Variants in NCKAP5L observed in about 807,000 individuals in gnomAD.
The protein encoded by NCKAP5L is NCK associated protein 5 like.
NCKAP5L carries 54 observed loss-of-function variants against 103.2 expected under a neutral mutation model. The observed-to-expected ratio is 0.52, with a 90% CI of 0.42 to 0.66. The LOEUF is 0.66. Ranked by LOEUF, NCKAP5L falls within the 30% of genes least tolerant of loss-of-function variation. NCKAP5L has a pLI of 0.00. For missense variants in NCKAP5L, 1,733 were observed against 1,750.6 expected, an observed-to-expected ratio of 0.99 and a Z score of 0.18; for synonymous variants, 762 against 748.6, an observed-to-expected ratio of 1.02 and a Z score of -0.29.
rs537121333 is a variant in NCKAP5L at position 49,801,852 on chromosome 12, G to C, written c.347C>G (p.Pro116Arg). ...QKLQLTTGSL[P>R]QIPLTPLQPP... is the part of the protein sequence containing the mutation. ...GAAAGGAGCGCAGATGCCTACCTGA[G>C]GGAGCGAGCCTGTCGTGAGCTGGAG... The change falls in exon 6 of 13, where the codon CCT (proline) becomes CGT (arginine). Residue 116 changes from proline (P) to arginine (R), a missense_variant. By Grantham distance (103) the Pro-to-Arg change is moderately radical. Coordinates refer to ENST00000335999, the MANE Select transcript of NCKAP5L (RefSeq NM_001037806.4). The C allele has an allele frequency of 2.7e-5, 43 of 1,613,978 alleles. No individual in the cohort carries two copies. In the Admixed American group the frequency reaches 7.0e-4, roughly 26 times the overall value.
intron 1 of NCKAP5L, among the ~76,000 whole-genome samples, chr12:49,812,436 T>C (rs946059452): frequency 6.6e-6 from 1 of 151,668 alleles, no homozygotes; most frequent in Non-Finnish European, 1.5e-5. Context: ...CAGGCTGGAG[T>C]GCAGTGGCGT....
intron 1 of NCKAP5L, among the ~76,000 whole-genome samples, chr12:49,815,414 T>A (rs916795765): frequency 3.9e-5 from 6 of 152,274 alleles, no homozygotes; most frequent in African/African-American, 1.4e-4. Flanking sequence ...TTTATTTTAA[T>A]CTTTGGGTTA....
In NCKAP5L at chr12:49,802,989, T is replaced by C; in HGVS notation, c.200A>G (p.Asn67Ser). Residue 67 changes from asparagine to serine, a missense_variant, in exon 5 of 13, where the codon AAC becomes AGC. Asn to Ser is a conservative substitution (Grantham distance 46). Coordinates refer to ENST00000335999, the MANE Select transcript of NCKAP5L (RefSeq NM_001037806.4). ...TYERCLDEVA[N>S]HVVQALLNQK... ...GTTCAGCAACGCCTGTACCACATGG[T>C]TGGCAACCTGGGGACAGAAAGCCCC... The C allele has an allele frequency of 1.2e-6, 2 of 1,614,230 alleles. No homozygotes were observed. Among genetic ancestry groups the C allele is most frequent in the African/African-American group, 1.3e-5 (1 of 75,068 alleles).
chr12:49,799,596 C>T (rs1234266209), intron 6 of NCKAP5L, among the ~76,000 whole-genome samples: 1 of 152,154 alleles, frequency 6.6e-6, no homozygotes, highest in Non-Finnish European at 1.5e-5. Context: ...GGATTATAGG[C>T]GTGAGCTACC....
chr12:49,799,487 A>T (rs180699101), intron 6 of NCKAP5L, among the ~76,000 whole-genome samples: 2,329 of 149,640 alleles, frequency 0.016, 24 homozygotes, highest in Non-Finnish European at 0.024. Context: ...TTAAAAAAAA[A>T]TTTTTTTTTT....
intron 1 of NCKAP5L, among the ~76,000 whole-genome samples, chr12:49,826,969 C>T (rs987640770): frequency 2.0e-5 from 3 of 152,246 alleles, no homozygotes; most frequent in Admixed American, 1.3e-4. Context: ...AATATCTCCC[C>T]GGAAAGGAAT....
intron 1 of NCKAP5L, among the ~76,000 whole-genome samples, chr12:49,820,390 C>T (rs1946348235): frequency 1.3e-5 from 2 of 149,326 alleles, no homozygotes; most frequent in South Asian, 4.3e-4. Context: ...GATCTCGGCT[C>T]ACTGCAACCT....
intron 1 of NCKAP5L, among the ~76,000 whole-genome samples, chr12:49,811,410 C>T (rs545591974): frequency 4.1e-4 from 62 of 152,236 alleles, no homozygotes; most frequent in Admixed American, 9.8e-4. Flanking sequence ...AGAGGGGAAC[C>T]CCCTCACACC....
chr12:49,812,028 CTTT>C (rs1233429373), intron 1 of NCKAP5L, among the ~76,000 whole-genome samples: 7 of 152,042 alleles, frequency 4.6e-5, no homozygotes, highest in African/African-American at 1.4e-4. Flanking sequence ...TCCTCCTGGA[CTTT>C]TTTTTAAGCT....
At position 49,796,243 on chromosome 12, in the gene NCKAP5L, C is replaced by T. The variant is rs1025132809; in HGVS notation, c.1617G>A (p.Gln539=). 6.4e-7 allele frequency: 1 copy of T among 1,573,468 alleles called. No individual in the cohort carries two copies. Among genetic ancestry groups the T allele is most frequent in the Non-Finnish European group, 8.6e-7 (1 of 1,160,366 alleles). ...TPDSTQLRPP[Q]SALSTTLSPG... is the part of the protein sequence containing the mutation. The stretch of plus-strand genomic sequence containing the variant: ...GGGACAGCGTGGTGGACAAGGCTGA[C>T]TGCGGGGGTCTGAGCTGTGTGGAGT... The change falls in exon 8 of 13, where the codon CAG becomes CAA. Residue 539 remains glutamine, a synonymous_variant. Transcript: ENST00000335999.
intron 6 of NCKAP5L, among the ~76,000 whole-genome samples, chr12:49,801,290 C>A (rs1253184249): frequency 1.3e-5 from 2 of 152,218 alleles, no homozygotes; most frequent in African/African-American, 4.8e-5. Context: ...CCTCCCACCC[C>A]CATGTCTTAC....
chr12:49,793,048 T>G, intron 10 of NCKAP5L, 62 bp from the exon 11 acceptor site: 1 of 1,294,690 alleles, frequency 7.7e-7, no homozygotes, highest in Non-Finnish European at 1.0e-6. Context: ...CCGGCCTGCC[T>G]CCACTTCCCG....
intron 6 of NCKAP5L, among the ~76,000 whole-genome samples, chr12:49,799,799 G>A (rs1188152997): frequency 2.0e-5 from 3 of 152,190 alleles, no homozygotes; most frequent in Non-Finnish European, 2.9e-5. Flanking sequence ...CTCCAGCCAA[G>A]CTGCACAGCT....
At chr12:49,811,992 G>A (rs764778312) in intron 1 of NCKAP5L, among the ~76,000 whole-genome samples, 13 of 152,058 alleles carry the variant, frequency 8.5e-5, no homozygotes, top group South Asian at 6.2e-4. Flanking sequence ...CATTGCCATC[G>A]CAGGTATAAG....
At position 49,796,546 on chromosome 12, in the gene NCKAP5L, G is replaced by A; in HGVS notation, c.1314C>T (p.Pro438=). 1.3e-6 allele frequency: 2 copies of A among 1,588,826 alleles called. No individual in the cohort carries two copies. The highest frequency in any genetic ancestry group is 8.6e-7 in the Non-Finnish European group (1 of 1,169,530). Residue 438 remains proline, a synonymous_variant, in exon 8 of 13, where the codon CCC becomes CCT. Transcript: ENST00000335999. Reference sequence around the variant, plus strand: ...GTCCCTGAGCTTCCCCAGGAGAAGGGGGGCCAATTTGGAGCTTGCTTTTCA... The same window carrying A: ...GTCCCTGAGCTTCCCCAGGAGAAGGAGGGCCAATTTGGAGCTTGCTTTTCA... The part of the protein sequence containing the change: ...SQVKSKLQIG[P]PSPGEAQGPL...
chr12:49,793,160 G>A (rs1339893292), intron 10 of NCKAP5L, among the ~76,000 whole-genome samples, 174 bp from the exon 11 acceptor site: 1 of 152,222 alleles, frequency 6.6e-6, no homozygotes, highest in East Asian at 1.9e-4. Context: ...TTGGGGAAGG[G>A]GTGTAGGTGG....
At position 49,797,447 on chromosome 12, in the gene NCKAP5L, G is replaced by A; in HGVS notation, c.466-53C>T. On this transcript the variant is annotated intron_variant, in intron 7 of 12. Coordinates refer to ENST00000335999, the MANE Select transcript of NCKAP5L (RefSeq NM_001037806.4). This position sits in a 1 kb window ranked among gnomAD's most constrained non-coding sequence, Gnocchi z 4.5. Reference sequence around the variant, plus strand: ...GGAGACCACACACAGCTGGGATCCAGTTCCAGGCCCAGGCCCTGGGCTGGC... The same window carrying A: ...GGAGACCACACACAGCTGGGATCCAATTCCAGGCCCAGGCCCTGGGCTGGC... 2.9e-6 allele frequency: 4 copies of A among 1,381,248 alleles called. No homozygotes were observed. The South Asian group carries it at 5.4e-5, about 19-fold the overall frequency. The allele number at this position is 1,381,248 out of a possible 1,614,324, so 85.6% of individuals were successfully genotyped here.
Position 49,803,998 on chromosome 12 carries a change from C to A in NCKAP5L, c.47G>T (p.Arg16Met), listed in dbSNP as rs776449056. The A allele has an allele frequency of 6.2e-7, 1 of 1,612,434 alleles. No homozygotes were observed. Among genetic ancestry groups the A allele is most frequent in the Admixed American group, 1.7e-5 (1 of 60,016 alleles). The part of the protein sequence containing the change: ...DQPAGGPGNP[R>M]PGEGDDGSME... Reference sequence around the variant, plus strand: ...GCTGCCATCATCACCCTCTCCTGGCCTTGGGTTTCCAGGACCCCCAGCTGG... The same window carrying A: ...GCTGCCATCATCACCCTCTCCTGGCATTGGGTTTCCAGGACCCCCAGCTGG... Residue 16 changes from arginine to methionine, a missense_variant, in exon 3 of 13, where the codon AGG becomes ATG. By Grantham distance (91) the Arg-to-Met change is moderately conservative. Transcript: ENST00000335999.
At chr12:49,824,206 A>C (rs1365491893) in intron 1 of NCKAP5L, among the ~76,000 whole-genome samples, 1 of 152,170 alleles carries the variant, frequency 6.6e-6, no homozygotes, top group Non-Finnish European at 1.5e-5. Flanking sequence ...ACCCTCCCAG[A>C]GTGTCACAAA....
Sources: allele counts gnomAD v4.1 joint callset (sites outside exome capture counted in the v4.1 genomes callset), GRCh38; gene constraint gnomAD v4.1.1; non-coding constraint Gnocchi (gnomAD v3.1); transcripts MANE v1.5; gene names NCBI Gene and HGNC (gene_info 2026-07-23, HGNC 2026-07-21).